Variants in KIAA1549L observed in about 807,000 individuals in gnomAD.
The protein encoded by KIAA1549L is UPF0606 protein KIAA1549L.
A neutral mutation model predicts 160.7 loss-of-function variants in KIAA1549L; 88 were observed. The observed-to-expected ratio is 0.55, with a 90% confidence interval of 0.46 to 0.65. The LOEUF is 0.65. Ranked by LOEUF, KIAA1549L falls within the 30% of genes least tolerant of loss-of-function variation. KIAA1549L has a pLI of 0.00. For synonymous variants in KIAA1549L, 950 were observed against 976.7 expected, an observed-to-expected ratio of 0.97 and a Z score of 0.51; for missense variants, 2,258 against 2,437.5, an observed-to-expected ratio of 0.93 and a Z score of 1.55.
intron 16 of KIAA1549L, among the ~76,000 whole-genome samples, chr11:33,643,397 A>C (rs1851638968): frequency 6.6e-6 from 1 of 152,144 alleles, no homozygotes. Flanking sequence ...GTTGCTAAGG[A>C]GTATGCTTTT....
chr11:33,521,893 T>C (rs1853502419), intron 1 of KIAA1549L, among the ~76,000 whole-genome samples: 1 of 152,196 alleles, frequency 6.6e-6, no homozygotes, highest in African/African-American at 2.4e-5. Context: ...TCTAATGATA[T>C]GGTTATTACT....
rs532220114 is a variant in KIAA1549L at position 33,408,264 on chromosome 11, C to T, written c.238+31375C>T. Among the ~76,000 whole-genome samples, 4 of 152,156 alleles carry T rather than the reference C, an allele frequency of 2.6e-5. No homozygotes were observed. In the South Asian group the frequency reaches 6.2e-4, roughly 24 times the overall value. On this transcript the variant is annotated intron_variant, in intron 1 of 20. Coordinates refer to ENST00000658780, the MANE Select transcript of KIAA1549L (RefSeq NM_012194.3). Reference sequence around the variant, plus strand: ...GCAGGTAGCTAACTGGTGCTCTGGGCATCAGTCGGGAATAGAGAACTAAAT... The same window carrying T: ...GCAGGTAGCTAACTGGTGCTCTGGGTATCAGTCGGGAATAGAGAACTAAAT...
At chr11:33,384,587 T>C (rs973394984) in intron 1 of KIAA1549L, among the ~76,000 whole-genome samples, 1 of 152,276 alleles carries the variant, frequency 6.6e-6, no homozygotes, top group African/African-American at 2.4e-5. Context: ...TGTTCCTCTG[T>C]ATCCTCACTG....
At chr11:33,398,440 A>C (rs974497178) in intron 1 of KIAA1549L, among the ~76,000 whole-genome samples, 19 of 152,138 alleles carry the variant, frequency 1.2e-4, no homozygotes, top group Non-Finnish European at 2.5e-4. Flanking sequence ...TGATCAGTGG[A>C]TCTATCCCAT....
rs564033895 is a variant in KIAA1549L, at chr11:33,380,480, G to C, written c.238+3591G>C. On this transcript the variant is annotated intron_variant, in intron 1 of 20. Coordinates refer to ENST00000658780, the MANE Select transcript of KIAA1549L (RefSeq NM_012194.3). The stretch of plus-strand genomic sequence containing the variant: ...CGTGATCAATTTTAGCATCAGTGAC[G>C]TATGGTGATAAGAAGAATGTATATT... Among the ~76,000 whole-genome samples, 11 of 152,188 alleles carry C rather than the reference G, an allele frequency of 7.2e-5. No individual in the cohort carries two copies. In the East Asian group the frequency reaches 2.1e-3, roughly 29 times the overall value.
At chr11:33,502,310 A>AG (rs1427846276) in intron 1 of KIAA1549L, among the ~76,000 whole-genome samples, 1 of 152,156 alleles carries the variant, frequency 6.6e-6, no homozygotes, top group Non-Finnish European at 1.5e-5. Flanking sequence ...GAGGAACTTG[A>AG]AAGACAGGGA....
intron 1 of KIAA1549L, among the ~76,000 whole-genome samples, chr11:33,395,085 C>G (rs1041327436): frequency 6.6e-6 from 1 of 152,144 alleles, no homozygotes; most frequent in African/African-American, 2.4e-5. Context: ...TCTACTTGGC[C>G]CTTTGGTATT....
At chr11:33,606,887 A>G (rs1420309342) in intron 14 of KIAA1549L, 65 bp downstream of exon 14, 11 of 1,383,426 alleles carry the variant, frequency 8.0e-6, no homozygotes, top group African/African-American at 1.4e-5. Flanking sequence ...GGACGAAGGA[A>G]CAACACCTGT....
intron 15 of KIAA1549L, among the ~76,000 whole-genome samples, chr11:33,612,525 G>C (rs191323643): frequency 2.1e-3 from 316 of 152,238 alleles, no homozygotes; most frequent in African/African-American, 7.3e-3. Flanking sequence ...CCAGAGTGCT[G>C]GGATTACAGG....
chr11:33,501,418 G>T (rs1169991460), intron 1 of KIAA1549L, among the ~76,000 whole-genome samples: 3 of 152,162 alleles, frequency 2.0e-5, no homozygotes, highest in African/African-American at 4.8e-5. Context: ...AAATAATTTG[G>T]ATAATGAAGG....
At chr11:33,538,069 C>G (rs1189295820) in intron 1 of KIAA1549L, among the ~76,000 whole-genome samples, 1 of 152,100 alleles carries the variant, frequency 6.6e-6, no homozygotes, top group Non-Finnish European at 1.5e-5. Context: ...AGGAAACTTA[C>G]AATTATGGTG....
intron 1 of KIAA1549L, among the ~76,000 whole-genome samples, chr11:33,427,699 G>A (rs1203592238): frequency 2.0e-5 from 3 of 152,030 alleles, no homozygotes; most frequent in Non-Finnish European, 4.4e-5. Flanking sequence ...CATTTATAAT[G>A]TTATGCAGCC....
At chr11:33,569,697 A>G (rs1855179370) in intron 9 of KIAA1549L, among the ~76,000 whole-genome samples, 1 of 152,020 alleles carries the variant, frequency 6.6e-6, no homozygotes, top group Non-Finnish European at 1.5e-5. Flanking sequence ...GTCCTATTGG[A>G]TGTTGCTTTG....
intron 11 of KIAA1549L, among the ~76,000 whole-genome samples, chr11:33,586,258 C>T (rs1849870335): frequency 6.6e-6 from 1 of 152,188 alleles, no homozygotes; most frequent in East Asian, 1.9e-4. Flanking sequence ...TCCCGGGGAT[C>T]CTTCTTGAGA....
chr11:33,453,731 G>C (rs1851767365), intron 1 of KIAA1549L, among the ~76,000 whole-genome samples: 1 of 152,178 alleles, frequency 6.6e-6, no homozygotes, highest in African/African-American at 2.4e-5. Flanking sequence ...GATTAAAATA[G>C]CTAAGAAATA....
At chr11:33,557,076 C>G (rs1249476998) in intron 6 of KIAA1549L, among the ~76,000 whole-genome samples, 1 of 152,198 alleles carries the variant, frequency 6.6e-6, no homozygotes, top group East Asian at 1.9e-4. Context: ...CAGCCTCGGA[C>G]TCCTGGGCTC....
At chr11:33,458,038 G>A (rs1851866605) in intron 1 of KIAA1549L, among the ~76,000 whole-genome samples, 1 of 152,170 alleles carries the variant, frequency 6.6e-6, no homozygotes, top group Admixed American at 6.5e-5. Context: ...AGACTATGAT[G>A]CCAGTGTGCA....
chr11:33,593,296 A>G (rs917781408), intron 12 of KIAA1549L, among the ~76,000 whole-genome samples: 1 of 152,158 alleles, frequency 6.6e-6, no homozygotes, highest in African/African-American at 2.4e-5. Flanking sequence ...AATATTAGCC[A>G]GGTGCAGTGG....
chr11:33,574,622 G>A (rs1855380571), intron 9 of KIAA1549L, 80 bp from the exon 10 acceptor site: 3 of 1,362,354 alleles, frequency 2.2e-6, no homozygotes, highest in South Asian at 2.8e-5. Context: ...GTCAGGAGAG[G>A]AACATCTGCT....
Sources: gnomAD v4.1 joint callset for allele counts (sites outside exome capture counted in the v4.1 genomes callset) on GRCh38, gnomAD v4.1.1 for gene constraint, MANE v1.5 for transcripts, NCBI Gene and HGNC (gene_info 2026-07-23, HGNC 2026-07-21) for gene names.